USP24: variants seen among roughly 807,000 people sequenced by gnomAD.
USP24 encodes ubiquitin specific peptidase 24.
Under a neutral mutation model 361.6 loss-of-function variants are expected in USP24, and 97 were observed. That is an observed-to-expected ratio of 0.27 (90% confidence interval 0.23 to 0.32). The LOEUF is 0.32. Among genes scored for constraint, USP24 ranks in the 10% least tolerant of loss-of-function variants. USP24 has a pLI of 1.00. For synonymous variants in USP24, 1,098 were observed against 1,124.6 expected, an observed-to-expected ratio of 0.98 and a Z score of 0.47; for missense variants, 2,353 against 3,165.6, an observed-to-expected ratio of 0.74 and a Z score of 6.16.
intron 3 of USP24, among the ~76,000 whole-genome samples, chr1:55,173,843 G>A (rs1649691916): frequency 1.3e-5 from 2 of 152,042 alleles, no homozygotes. Flanking sequence ...AAATAATAAA[G>A]CAAAACAAAG....
At chr1:55,073,708 G>T in intron 64 of USP24, 120 bp downstream of exon 64, 1 of 906,518 alleles carries the variant, frequency 1.1e-6, no homozygotes, top group Non-Finnish European at 1.7e-6. Context: ...TTCCAAGCAA[G>T]CAGGCCCTGA....
intron 1 of USP24, among the ~76,000 whole-genome samples, chr1:55,187,007 A>G (rs949978955): frequency 1.3e-5 from 2 of 152,174 alleles, no homozygotes; most frequent in African/African-American, 4.8e-5. Flanking sequence ...TGACACAAAA[A>G]TCCTTAACAA....
At chr1:55,128,712 C>T (rs1646506861) in intron 32 of USP24, among the ~76,000 whole-genome samples, 1 of 141,522 alleles carries the variant, frequency 7.1e-6, no homozygotes, top group Non-Finnish European at 1.6e-5. Context: ...TGCTTTAATA[C>T]CTTTTTTTTT....
At chr1:55,073,723 GTCA>G (rs1644965835) in intron 64 of USP24, 102 bp downstream of exon 64, 3 of 1,100,404 alleles carry the variant, frequency 2.7e-6, no homozygotes, top group Non-Finnish European at 4.0e-6. Flanking sequence ...CCCTGACTGA[GTCA>G]GATTCTCCAG....
At chr1:55,164,222 T>C (rs1648587558) in intron 7 of USP24, among the ~76,000 whole-genome samples, 1 of 151,684 alleles carries the variant, frequency 6.6e-6, no homozygotes. Context: ...AATTTAGGTT[T>C]AGGAGAAAAA....
chr1:55,101,050 T>C (rs947990054), intron 43 of USP24, 86 bp from the exon 44 acceptor site: 96 of 1,459,256 alleles, frequency 6.6e-5, no homozygotes, highest in African/African-American at 6.1e-4. Flanking sequence ...AGTACCCACA[T>C]TGCTTTTTTA....
intron 31 of USP24, among the ~76,000 whole-genome samples, chr1:55,131,314 T>C (rs1646584578): frequency 6.6e-6 from 1 of 152,118 alleles, no homozygotes; most frequent in African/African-American, 2.4e-5. Flanking sequence ...TGCACGAAAA[T>C]GTAAAATATA....
chr1:55,145,803 A>G (rs1647013060), intron 20 of USP24, among the ~76,000 whole-genome samples, 195 bp downstream of exon 20: 1 of 152,204 alleles, frequency 6.6e-6, no homozygotes, highest in South Asian at 2.1e-4. Context: ...CATATGATTT[A>G]AAAACTAATT....
At chr1:55,181,927 A>G (rs1338967511) in intron 1 of USP24, among the ~76,000 whole-genome samples, 1 of 152,216 alleles carries the variant, frequency 6.6e-6, no homozygotes, top group Non-Finnish European at 1.5e-5. Context: ...TGTCTTAATG[A>G]GAAGGGGAAG....
intron 58 of USP24, among the ~76,000 whole-genome samples, chr1:55,082,280 C>T (rs1363265349): frequency 6.6e-6 from 1 of 152,198 alleles, no homozygotes; most frequent in African/African-American, 2.4e-5. Flanking sequence ...AGCTTTACTC[C>T]TTGCCTGAGA....
chr1:55,093,816 TG>T, intron 52 of USP24, 120 bp downstream of exon 52: 1 of 1,359,480 alleles, frequency 7.4e-7, no homozygotes, highest in Non-Finnish European at 9.9e-7. Context: ...ATGAGACAAG[TG>T]TGTAAGACGA....
chr1:55,093,905 T>C (rs771207345), intron 52 of USP24, 32 bp downstream of exon 52: 2 of 1,612,214 alleles, frequency 1.2e-6, no homozygotes, highest in Admixed American at 1.7e-5. Context: ...CACGTGGATA[T>C]TCCCCCTTAG....
At chr1:55,081,792 G>A (rs377348863) in intron 58 of USP24, among the ~76,000 whole-genome samples, 1 of 152,192 alleles carries the variant, frequency 6.6e-6, no homozygotes, top group East Asian at 1.9e-4. Flanking sequence ...TTCATGTACT[G>A]GCAGAGGTAA....
intron 39 of USP24, among the ~76,000 whole-genome samples, chr1:55,109,503 T>C (rs1015389148): frequency 6.6e-6 from 1 of 152,216 alleles, no homozygotes; most frequent in Non-Finnish European, 1.5e-5. Context: ...TGCTTCCTTT[T>C]TACCTCTGGC....
intron 58 of USP24, 135 bp from the exon 59 acceptor site, chr1:55,081,559 AC>A: frequency 1.2e-6 from 1 of 828,160 alleles, no homozygotes; most frequent in South Asian, 1.7e-5. Flanking sequence ...AGGTCAAGGT[AC>A]AAAAAAATCA....
Position 55,154,444 on chromosome 1 carries a change from C to CTCT in USP24, c.1576_1577insAGA (p.Asp525_Arg526insLys). On this transcript the variant is annotated inframe_insertion, in exon 14 of 68. Transcript: ENST00000294383. ...CAGGCTCAAAAGCTTCTGTCTTACT[C>CTCT]TATCACTCTCAGTCTCCCAGCTCTG... is the stretch of plus-strand genomic sequence containing the variant. 2 of 1,551,482 alleles carry CTCT rather than the reference C, an allele frequency of 1.3e-6. No homozygotes were observed. The highest frequency in any genetic ancestry group is 1.7e-6 in the Non-Finnish European group (2 of 1,146,832).
intron 51 of USP24, 68 bp downstream of exon 51, chr1:55,095,187 G>A: frequency 6.7e-7 from 1 of 1,495,828 alleles, no homozygotes; most frequent in East Asian, 2.4e-5. Flanking sequence ...ATCTCAAATA[G>A]TATATTGTCA....
At chr1:55,148,766 T>A (rs1647110220) in intron 16 of USP24, among the ~76,000 whole-genome samples, 196 bp from the exon 17 acceptor site, 1 of 152,226 alleles carries the variant, frequency 6.6e-6, no homozygotes, top group South Asian at 2.1e-4. Context: ...TGCAATTTCC[T>A]AAAGCTAAGA....
At chr1:55,166,341 C>T (rs1648859111) in intron 6 of USP24, among the ~76,000 whole-genome samples, 1 of 151,930 alleles carries the variant, frequency 6.6e-6, no homozygotes, top group African/African-American at 2.4e-5. Flanking sequence ...TGCATTGATC[C>T]TTCTAATGCT....
Sources: allele counts gnomAD v4.1 joint callset (sites outside exome capture counted in the v4.1 genomes callset), GRCh38; gene constraint gnomAD v4.1.1; transcripts MANE v1.5; gene names NCBI Gene and HGNC (gene_info 2026-07-23, HGNC 2026-07-21).